The following PDE4D variants were observed in gnomAD, a reference collection of about 807,000 sequenced individuals.
The protein encoded by PDE4D is phosphodiesterase 4D.
A neutral mutation model predicts 87.4 loss-of-function variants in PDE4D; 24 were observed. That is an observed-to-expected ratio of 0.27 (90% CI 0.20 to 0.39). PDE4D has a LOEUF of 0.39. Among genes scored for constraint, PDE4D ranks in the 10% least tolerant of loss-of-function variants. PDE4D has a pLI of 1.00. For missense variants in PDE4D, 714 were observed against 1,041.0 expected (o/e 0.69, Z 4.32); for synonymous variants, 384 against 383.2 (o/e 1.00, Z -0.02).
At chr5:59,069,783 T>C (rs1446621581) in intron 5 of PDE4D, among the ~76,000 whole-genome samples, 1 of 152,104 alleles carries the variant, frequency 6.6e-6, no homozygotes, top group Non-Finnish European at 1.5e-5. Context: ...TAAAATGTTA[T>C]AAAATTAAAA....
chr5:59,315,667 C>T (rs371517466), intron 1 of PDE4D, among the ~76,000 whole-genome samples: 4 of 152,026 alleles, frequency 2.6e-5, no homozygotes, highest in Non-Finnish European at 4.4e-5. Context: ...AACAACTTTG[C>T]GATAAAACCC....
chr5:59,327,353 A>C, intron 1 of PDE4D, among the ~76,000 whole-genome samples: 1 of 152,114 alleles, frequency 6.6e-6, no homozygotes, highest in East Asian at 1.9e-4. Context: ...CTCCAATTTT[A>C]GCTGCCTTGG....
At chr5:60,429,829 G>A (rs1049012972) in intron 1 of PDE4D, 4 of 352,626 alleles carry the variant, frequency 1.1e-5, no homozygotes, top group African/African-American at 8.7e-5. Flanking sequence ...AATGGTGGTG[G>A]ATTAGTTTTT....
intron 1 of PDE4D, among the ~76,000 whole-genome samples, chr5:59,868,532 C>T (rs973411322): frequency 1.3e-5 from 2 of 152,166 alleles, no homozygotes; most frequent in African/African-American, 2.4e-5. Flanking sequence ...GGGGACCACC[C>T]TCTATGAGCC....
At chr5:59,169,274 G>T (rs181551411) in intron 5 of PDE4D, among the ~76,000 whole-genome samples, 1 of 152,064 alleles carries the variant, frequency 6.6e-6, no homozygotes, top group East Asian at 1.9e-4. Flanking sequence ...GAAGCACTTT[G>T]TGGAGAAAGG....
intron 5 of PDE4D, among the ~76,000 whole-genome samples, chr5:59,082,781 T>C (rs527699755): frequency 5.3e-5 from 8 of 152,290 alleles, no homozygotes; most frequent in African/African-American, 1.7e-4. Flanking sequence ...ACTTTTGCCC[T>C]AAAATGTTAA....
chr5:59,392,879 C>T (rs378869), intron 1 of PDE4D, among the ~76,000 whole-genome samples: 63,733 of 151,738 alleles, frequency 0.42, 13,690 homozygotes, highest in East Asian at 0.49. Context: ...ATTAATTTAA[C>T]GAGTCTGGAG....
At chr5:59,252,305 A>C (rs1222834289) in intron 1 of PDE4D, among the ~76,000 whole-genome samples, 1 of 152,136 alleles carries the variant, frequency 6.6e-6, no homozygotes, top group Non-Finnish European at 1.5e-5. Flanking sequence ...AAAGCAAACT[A>C]TCCAAGATAC....
chr5:60,000,421 G>A (rs1763916619), intron 2 of PDE4D, among the ~76,000 whole-genome samples: 1 of 152,176 alleles, frequency 6.6e-6, no homozygotes, highest in South Asian at 2.1e-4. Flanking sequence ...AAGGGAGTGG[G>A]ACAATATATT....
chr5:59,386,865 A>G (rs1056418216), intron 1 of PDE4D, among the ~76,000 whole-genome samples: 3 of 152,198 alleles, frequency 2.0e-5, no homozygotes, highest in African/African-American at 7.2e-5. Context: ...ATGAATTGCT[A>G]AACACTTAAA....
chr5:60,044,203 C>T (rs899838804), intron 2 of PDE4D, among the ~76,000 whole-genome samples: 1 of 151,920 alleles, frequency 6.6e-6, no homozygotes, highest in East Asian at 1.9e-4. Context: ...GTGATGGACA[C>T]CCCAATTGCC....
chr5:59,214,063 CA>C, intron 2 of PDE4D, among the ~76,000 whole-genome samples: 1 of 148,838 alleles, frequency 6.7e-6, no homozygotes, highest in African/African-American at 2.4e-5. Flanking sequence ...CACACACACA[CA>C]CACACACACA....
intron 1 of PDE4D, among the ~76,000 whole-genome samples, chr5:59,786,770 T>C (rs1765222127): frequency 6.6e-6 from 1 of 152,110 alleles, no homozygotes; most frequent in South Asian, 2.1e-4. Flanking sequence ...AAATACGGGA[T>C]TGGTGAGATG....
rs540901508 is a variant in PDE4D at position 60,300,916 on chromosome 5, G to A, written c.-89-115229C>T. 4.6e-5 allele frequency among the ~76,000 whole-genome samples: 7 copies of A among 152,150 alleles called. No individual in the cohort carries two copies. The East Asian group carries it at 7.7e-4, about 17-fold the overall frequency. ...CTCCTGAGTACCTGGGATTACAGGTGCATGCCACCACACCTGGCTAATTTT... is the reference window on the plus strand; with the variant it reads ...CTCCTGAGTACCTGGGATTACAGGTACATGCCACCACACCTGGCTAATTTT... On this transcript the variant is annotated intron_variant, in intron 1 of 16. Transcript: ENST00000502484.
At chr5:59,830,122 T>C (rs1313644506) in intron 1 of PDE4D, among the ~76,000 whole-genome samples, 1 of 151,974 alleles carries the variant, frequency 6.6e-6, no homozygotes, top group Non-Finnish European at 1.5e-5. Flanking sequence ...CATTGGCAAG[T>C]GCATAAGAGA....
At chr5:59,436,162 C>G (rs536004923) in intron 1 of PDE4D, among the ~76,000 whole-genome samples, 1 of 152,244 alleles carries the variant, frequency 6.6e-6, no homozygotes, top group South Asian at 2.1e-4. Flanking sequence ...TCTTGTTAAT[C>G]TACTCTTAAA....
intron 1 of PDE4D, among the ~76,000 whole-genome samples, chr5:59,681,900 C>CA (rs11266968): frequency 0.42 from 40,825 of 96,294 alleles, 9,156 homozygotes; most frequent in East Asian, 0.71. Flanking sequence ...GACTCTGTCT[C>CA]AAAAAAAAAA....
intron 3 of PDE4D, among the ~76,000 whole-genome samples, chr5:59,974,976 G>A (rs1761154402): frequency 6.6e-6 from 1 of 152,142 alleles, no homozygotes; most frequent in Admixed American, 6.6e-5. Flanking sequence ...CTTCCCTGTG[G>A]TGGATTCAGG....
chr5:59,503,881 A>G (rs1411052777), intron 1 of PDE4D, among the ~76,000 whole-genome samples: 1 of 150,144 alleles, frequency 6.7e-6, no homozygotes, highest in Non-Finnish European at 1.5e-5. Context: ...GATTTTAAGC[A>G]TATTTCTCTA....
Sources: gnomAD v4.1 joint callset for allele counts (sites outside exome capture counted in the v4.1 genomes callset) on GRCh38, gnomAD v4.1.1 for gene constraint, MANE v1.5 for transcripts, NCBI Gene and HGNC (gene_info 2026-07-23, HGNC 2026-07-21) for gene names.